ATXN7: variants seen among roughly 807,000 people sequenced by gnomAD.
ATXN7 encodes ataxin-7.
In ATXN7, 12 loss-of-function variants were observed where a neutral mutation model predicts 70.5. The ratio of observed to expected loss-of-function variants is 0.17; its 90% CI spans 0.11 to 0.28. The LOEUF (loss-of-function observed/expected upper bound fraction) is 0.28, where lower values mean the gene tolerates loss of function less well. Ranked by LOEUF, ATXN7 falls within the 10% of genes least tolerant of loss-of-function variation. The probability of loss-of-function intolerance (pLI) is 1.00; values close to 1 mark genes in which losing one functional copy is unlikely to be tolerated. For synonymous variants in ATXN7, 498 were observed against 448.7 expected (o/e 1.11, Z -1.39); for missense variants, 1,256 against 1,131.7 (o/e 1.11, Z -1.58).
intron 1 of ATXN7, among the ~76,000 whole-genome samples, chr3:63,881,869 C>A (rs1702922343): frequency 6.6e-6 from 1 of 152,158 alleles, no homozygotes; most frequent in African/African-American, 2.4e-5. Flanking sequence ...GGCTGCTGGG[C>A]CAGGCTAGGC....
intron 2 of ATXN7, among the ~76,000 whole-genome samples, chr3:63,910,089 T>G (rs547156414): frequency 5.3e-5 from 8 of 152,256 alleles, no homozygotes; most frequent in Admixed American, 3.3e-4. Context: ...TCAAAAACTT[T>G]GAAGAAAAAA....
chr3:63,997,658 CA>C (rs1316728450), intron 12 of ATXN7: 1 of 1,552,144 alleles, frequency 6.4e-7, no homozygotes, highest in Non-Finnish European at 8.7e-7. Context: ...GGAATTTCAG[CA>C]ACATCACCCC....
rs550496629 is a variant in ATXN7, at chr3:63,992,869, C to T, written c.1682+2010C>T. ...TTGCCTCCCAACATAGGAGTGCTGG[C>T]GGCCTTTTCAGGCAGCCCCTGAGAT... On this transcript the variant is annotated intron_variant, in intron 11 of 12. Transcript: ENST00000674280. 5.8e-3 allele frequency among the ~76,000 whole-genome samples: 889 copies of T among 152,230 alleles called. 13 individuals carry two copies. Among genetic ancestry groups the T allele is most frequent in the South Asian group, 0.013 (64 of 4,822 alleles).
intron 4 of ATXN7, among the ~76,000 whole-genome samples, chr3:63,927,510 C>G (rs569957478): frequency 3.3e-4 from 51 of 152,314 alleles, no homozygotes; most frequent in African/African-American, 1.1e-3. Flanking sequence ...TAACACTCCC[C>G]TGTTGGTGAT....
intron 8 of ATXN7, among the ~76,000 whole-genome samples, chr3:63,983,706 T>C (rs2075526799): frequency 6.6e-6 from 1 of 152,182 alleles, no homozygotes; most frequent in Non-Finnish European, 1.5e-5. Context: ...GGGTCTTCCT[T>C]CTTTTAAAAT....
chr3:63,940,973 G>C (rs1453895111), intron 4 of ATXN7, among the ~76,000 whole-genome samples: 1 of 152,120 alleles, frequency 6.6e-6, no homozygotes, highest in Non-Finnish European at 1.5e-5. Flanking sequence ...GAACCCGTGA[G>C]ACAAACCTGT....
In ATXN7 at chr3:63,952,377, A is replaced by G; in HGVS notation, c.395-2A>G. ...GAGTGATGCTCTGTTTCTGTGTTGC[A>G]GACATGCCAATATTTGGTTTCTGTC... On this transcript the variant is annotated splice_acceptor_variant, in intron 4 of 12. Coordinates refer to ENST00000674280, the MANE Select transcript of ATXN7 (RefSeq NM_001377405.1). LOFTEE classifies it high-confidence loss of function. 1 of 1,605,812 alleles carries G rather than the reference A, an allele frequency of 6.2e-7. No individual in the cohort carries two copies. Among genetic ancestry groups the G allele is most frequent in the Non-Finnish European group, 8.5e-7 (1 of 1,175,908 alleles).
intron 4 of ATXN7, among the ~76,000 whole-genome samples, chr3:63,916,953 G>T (rs6770864): frequency 1.3e-5 from 2 of 151,814 alleles, no homozygotes; most frequent in Admixed American, 1.3e-4. Flanking sequence ...TCGCTGTGTC[G>T]CCCAGGCTGG....
At chr3:63,900,339 AT>A (rs1280375466) in intron 2 of ATXN7, among the ~76,000 whole-genome samples, 1 of 152,218 alleles carries the variant, frequency 6.6e-6, no homozygotes, top group Non-Finnish European at 1.5e-5. Context: ...AAAAGATAAT[AT>A]TTTTACCATT....
intron 4 of ATXN7, among the ~76,000 whole-genome samples, chr3:63,929,269 C>CT (rs1029963204): frequency 0.011 from 1,497 of 136,632 alleles, 25 homozygotes; most frequent in East Asian, 0.048. Context: ...CTCTCTCTCT[C>CT]TTTTTTTTTT....
chr3:63,881,262 C>T (rs1232860622), intron 1 of ATXN7, among the ~76,000 whole-genome samples: 1 of 132,292 alleles, frequency 7.6e-6, no homozygotes, highest in Non-Finnish European at 1.7e-5. Context: ...TTGAGTAGTA[C>T]CAATGCTGAG....
In ATXN7 at chr3:63,952,614, C is replaced by T. The variant is rs1293257153; in HGVS notation, c.499+131C>T. On this transcript the variant is annotated intron_variant, in intron 5 of 12. Transcript: ENST00000674280. Reference sequence around the variant, plus strand: ...ACCAGGAAGTAGGCTTTTTAATTCACTCAGTGGGTTAATAACTATCAGATG... The same window carrying T: ...ACCAGGAAGTAGGCTTTTTAATTCATTCAGTGGGTTAATAACTATCAGATG... 6.2e-6 allele frequency: 3 copies of T among 487,692 alleles called. No individual in the cohort carries two copies. In the East Asian group the frequency reaches 1.0e-4, roughly 16 times the overall value. The allele number at this position is 487,692 out of a possible 1,614,324, so 30.2% of individuals were successfully genotyped here.
chr3:63,939,094 T>C (rs906527946), intron 4 of ATXN7, among the ~76,000 whole-genome samples: 3 of 152,134 alleles, frequency 2.0e-5, no homozygotes, highest in African/African-American at 7.2e-5. Context: ...AGATGATGGC[T>C]TCTTTGGTAT....
rs117858108 is a variant in ATXN7, at chr3:63,967,851, C to A, written c.500-12064C>A. ...GCATATTTGGAGTTGGTGGGCAGAC[C>A]CAAATCATGATGCAAGCCTGCAGTA... On this transcript the variant is annotated intron_variant, in intron 5 of 12. Transcript: ENST00000674280. 632 of 1,530,934 alleles carry A rather than the reference C, an allele frequency of 4.1e-4. 2 individuals carry two copies. The East Asian group carries it at 0.011, about 27-fold the overall frequency. The allele number at this position is 1,530,934 out of a possible 1,614,324, so 94.8% of individuals were successfully genotyped here.
In ATXN7 at chr3:63,912,777, C is replaced by T. The variant is rs755508121; in HGVS notation, c.179C>T (p.Pro60Leu). 2 of 1,498,860 alleles carry T rather than the reference C, an allele frequency of 1.3e-6. No homozygotes were observed. The highest frequency in any genetic ancestry group is 2.4e-5 in the Admixed American group (1 of 42,224). 92.8% of individuals were successfully genotyped at this position (1,498,860 alleles called of 1,614,324 possible). Residue 60 changes from proline (P) to leucine (L), a missense_variant, in exon 3 of 13, where the codon CCG becomes CTG. Physicochemically the swap from Pro to Leu is moderately conservative, Grantham distance 98. Coordinates refer to ENST00000674280, the MANE Select transcript of ATXN7 (RefSeq NM_001377405.1). ...CCACCGCCGCCACGGCGCACACGGC[C>T]GGAGGACGGCGGGCCCGGCGCCGCC... ...HPPPPPRRTR[P>L]EDGGPGAAST...
intron 2 of ATXN7, among the ~76,000 whole-genome samples, chr3:63,910,005 TTAA>T (rs1318125362): frequency 4.6e-5 from 7 of 152,214 alleles, no homozygotes; most frequent in African/African-American, 1.4e-4. Flanking sequence ...ATAATTTCCC[TTAA>T]TAACGATCAT....
At chr3:63,872,572 C>G (rs1223880359) in intron 1 of ATXN7, among the ~76,000 whole-genome samples, 1 of 152,188 alleles carries the variant, frequency 6.6e-6, no homozygotes, top group Non-Finnish European at 1.5e-5. Flanking sequence ...CAGTACCACT[C>G]TGCCATATTC....
rs1327933832 is a variant in ATXN7, at chr3:64,002,752, A to C, written c.*3285A>C. ...TAATTTTATAAGGTATTTTAAAATT[A>C]AGACCTCTTGGTTCATAGTAATTCA... On this transcript the variant is annotated 3_prime_UTR_variant, in exon 13 of 13. Coordinates refer to ENST00000674280, the MANE Select transcript of ATXN7 (RefSeq NM_001377405.1). 6.6e-6 allele frequency: 1 copy of C among 152,212 alleles called. No homozygotes were observed. Among genetic ancestry groups the C allele is most frequent in the Non-Finnish European group, 1.5e-5 (1 of 68,042 alleles). The allele number at this position is 152,212 out of a possible 1,614,324, so 9.4% of individuals were successfully genotyped here. A position where few individuals can be genotyped will look rare whatever the true frequency, so the allele number is the denominator to read the frequency against.
chr3:63,999,605 CG>C lies in ATXN7; in HGVS notation c.*141del, dbSNP rs762254732. On this transcript the variant is annotated 3_prime_UTR_variant, in exon 13 of 13. Transcript: ENST00000674280. ...GTGGGCCTCAAGGGTAGAAACCTGC[CG>C]GGCTGTTGTTTTAACGAGGATTTCC... The C allele has an allele frequency of 1.4e-5, 20 of 1,474,266 alleles. No homozygotes were observed. The Middle Eastern group carries it at 5.1e-4, about 38-fold the overall frequency. 91.3% of individuals were successfully genotyped at this position (1,474,266 alleles called of 1,614,324 possible).
Sources: gnomAD v4.1 joint callset for allele counts (sites outside exome capture counted in the v4.1 genomes callset) on GRCh38, gnomAD v4.1.1 for gene constraint, MANE v1.5 for transcripts, NCBI Gene and HGNC (gene_info 2026-07-23, HGNC 2026-07-21) for gene names.